The following FAM13B variants were observed in gnomAD, a reference collection of about 807,000 sequenced individuals.
The protein encoded by FAM13B is family with sequence similarity 13 member B, also known as protein FAM13B.
Under a neutral mutation model 117.3 loss-of-function variants are expected in FAM13B, and 60 were observed. The observed-to-expected ratio is 0.51, with a 90% CI of 0.42 to 0.63. The LOEUF (loss-of-function observed/expected upper bound fraction) is 0.63. Ranked by LOEUF, FAM13B falls within the 30% of genes least tolerant of loss-of-function variation. The pLI, the probability that FAM13B is intolerant of heterozygous loss-of-function variation, is 0.00. For synonymous variants in FAM13B, 332 were observed against 356.1 expected, an observed-to-expected ratio of 0.93 and a Z score of 0.76; for missense variants, 972 against 1,091.9, an observed-to-expected ratio of 0.89 and a Z score of 1.55.
intron 13 of FAM13B, 22 bp from the exon 14 acceptor site, chr5:137,956,564 C>A (rs761159757): frequency 6.4e-7 from 1 of 1,557,318 alleles, no homozygotes; most frequent in Non-Finnish European, 8.7e-7. Context: ...GAAAAAATGG[C>A]AAAAAATACT....
rs1362133109 is a variant in FAM13B at position 137,987,675 on chromosome 5, A to C, written c.891-59T>G. Reference sequence around the variant, plus strand: ...ACTCTAACTGGATATCTGGTGACACAGACATAAATGCTAAAACCTATGACC... The same window carrying C: ...ACTCTAACTGGATATCTGGTGACACCGACATAAATGCTAAAACCTATGACC... On this transcript the variant is annotated intron_variant, in intron 8 of 23. Transcript: ENST00000689681. The C allele has an allele frequency of 5.9e-5, 89 of 1,516,306 alleles. 2 individuals carry two copies. In the South Asian group the frequency reaches 1.1e-3, roughly 18 times the overall value. 93.9% of individuals were successfully genotyped at this position (1,516,306 alleles called of 1,614,324 possible).
In FAM13B at chr5:138,000,928, TCAAAAAACAAAAAA is replaced by T. The variant is rs1452234866; in HGVS notation, c.848+6048_848+6061del. ...CTGGGCGACAGAGCAAGACACTGTC[TCAAAAAACAAAAAA>T]CAAAAAAAAAAAAAACAGCATCTTT... On this transcript the variant is annotated intron_variant, in intron 7 of 23. Coordinates refer to ENST00000689681, the MANE Select transcript of FAM13B (RefSeq NM_001385994.1). Among the ~76,000 whole-genome samples, 197 of 68,284 alleles carry T rather than the reference TCAAAAAACAAAAAA, an allele frequency of 2.9e-3. 2 individuals are homozygous for T. Among genetic ancestry groups the T allele is most frequent in the Non-Finnish European group, 4.3e-3 (157 of 36,186 alleles). 44.8% of individuals were successfully genotyped at this position (68,284 alleles called of 152,430 possible). A position where few individuals can be genotyped will look rare whatever the true frequency, so the allele number is the denominator to read the frequency against.
rs373885448 is a variant in FAM13B, at chr5:137,966,459, T to TTATATATATA, written c.1180-4000_1180-3991dup. 5.4e-4 allele frequency among the ~76,000 whole-genome samples: 27 copies of TTATATATATA among 50,274 alleles called. 1 individual carries two copies. Among genetic ancestry groups the TTATATATATA allele is most frequent in the Middle Eastern group, 0.014 (1 of 72 alleles). 33.0% of individuals were successfully genotyped at this position (50,274 alleles called of 152,430 possible). On this transcript the variant is annotated intron_variant, in intron 10 of 23. Coordinates refer to ENST00000689681, the MANE Select transcript of FAM13B (RefSeq NM_001385994.1). ...AAAAAAAAAAAGAAAGAAATAGATT[T>TTATATATATA]TATATATATATATATATATATATAT...
chr5:137,990,013 G>C (rs1028595247), intron 7 of FAM13B, among the ~76,000 whole-genome samples: 1 of 152,052 alleles, frequency 6.6e-6, no homozygotes, highest in East Asian at 1.9e-4. Flanking sequence ...AAAACAAAAA[G>C]TAAAAAGATA....
intron 1 of FAM13B, among the ~76,000 whole-genome samples, chr5:138,041,065 A>G (rs1411567449): frequency 6.8e-6 from 1 of 147,792 alleles, no homozygotes; most frequent in African/African-American, 2.5e-5. Flanking sequence ...CTCCATCTCA[A>G]AAAAAAAAAA....
intron 1 of FAM13B, among the ~76,000 whole-genome samples, chr5:138,045,693 AC>A (rs1386616194): frequency 6.6e-6 from 1 of 152,066 alleles, no homozygotes; most frequent in African/African-American, 2.4e-5. Context: ...AGGTACGTAC[AC>A]AGGTGGTAAA....
chr5:138,017,720 C>T (rs1785604561), intron 4 of FAM13B, among the ~76,000 whole-genome samples: 1 of 152,146 alleles, frequency 6.6e-6, no homozygotes, highest in South Asian at 2.1e-4. Context: ...TCTAGCTAAG[C>T]ACTACTTTTT....
At position 137,959,687 on chromosome 5, in the gene FAM13B, T is replaced by C. The variant is rs1317498049; in HGVS notation, c.1370A>G (p.Gln457Arg). ...EVPGGQSVGV[Q>R]GEAACVSIPH... is the part of the protein sequence containing the mutation. ...AATACTGACACACGCTGCTTCCCCT[T>C]GAACACCAACACTCTGACCTCCTGG... is the stretch of plus-strand genomic sequence containing the variant. The change falls in exon 13 of 24, where the codon CAA becomes CGA. Residue 457 changes from glutamine (Q) to arginine (R), a missense_variant. By Grantham distance (43) the Gln-to-Arg change is conservative. Coordinates refer to ENST00000689681, the MANE Select transcript of FAM13B (RefSeq NM_001385994.1). 1.2e-6 allele frequency: 2 copies of C among 1,613,906 alleles called. No homozygotes were observed. The highest frequency in any genetic ancestry group is 2.7e-5 in the African/African-American group (2 of 74,940).
rs897478565 is a variant in FAM13B at position 137,938,148 on chromosome 5, A to T, written c.*2077T>A. On this transcript the variant is annotated 3_prime_UTR_variant, in exon 24 of 24. Transcript: ENST00000689681. ...CAGCTACTGCTCAACTATGACACACAATACTGTCACAGAGCATAAGTGCTG... is the reference window on the plus strand; with the variant it reads ...CAGCTACTGCTCAACTATGACACACTATACTGTCACAGAGCATAAGTGCTG... 1 of 152,468 alleles carries T rather than the reference A, an allele frequency of 6.6e-6. No homozygotes were observed. The highest frequency in any genetic ancestry group is 2.4e-5 in the African/African-American group (1 of 41,428). The allele number at this position is 152,468 out of a possible 1,614,324, so 9.4% of individuals were successfully genotyped here. A position where few individuals can be genotyped will look rare whatever the true frequency, so the allele number is the denominator to read the frequency against.
chr5:137,974,663 CA>C (rs34041801), intron 10 of FAM13B, among the ~76,000 whole-genome samples: 9,137 of 120,588 alleles, frequency 0.076, 364 homozygotes, highest in Non-Finnish European at 0.1. Context: ...AGCATTTCTC[CA>C]AAAAAAAAAA....
rs750585505 is a variant in FAM13B at position 137,987,498 on chromosome 5, C to T, written c.1009G>A (p.Glu337Lys). The change falls in exon 9 of 24, where the codon GAA (glutamate) becomes AAA (lysine). Residue 337 changes from glutamate (E) to lysine (K), a missense_variant. Coordinates refer to ENST00000689681, the MANE Select transcript of FAM13B (RefSeq NM_001385994.1). ...CCTTCCCCATCACAATGAATACTTT[C>T]TGCTTCATTATTACACACCACACTT... ...QQSVVCNNEA[E>K]SIHCDGEGSN... 6.2e-7 allele frequency: 1 copy of T among 1,612,928 alleles called. No homozygotes were observed. Among genetic ancestry groups the T allele is most frequent in the Non-Finnish European group, 8.5e-7 (1 of 1,179,412 alleles).
intron 10 of FAM13B, among the ~76,000 whole-genome samples, chr5:137,966,488 T>TATATATATAG (rs1461425784): frequency 3.4e-4 from 10 of 29,476 alleles, no homozygotes; most frequent in African/African-American, 7.6e-4. Context: ...TATATATATA[T>TATATATATAG]AGAGAGAGAG....
chr5:137,976,889 T>A (rs1223630843), intron 10 of FAM13B, among the ~76,000 whole-genome samples: 6 of 152,116 alleles, frequency 3.9e-5, no homozygotes. Context: ...CAATATGAAA[T>A]CTGGGCACCT....
chr5:137,966,437 A>T (rs1310430939), intron 10 of FAM13B, among the ~76,000 whole-genome samples: 44 of 145,260 alleles, frequency 3.0e-4, no homozygotes, highest in Non-Finnish European at 6.0e-4. Flanking sequence ...CGTCTCAAAA[A>T]AAAAAAAGAA....
At chr5:137,959,558 G>C (rs1283968841) in intron 13 of FAM13B, 58 bp downstream of exon 13, 1 of 1,568,956 alleles carries the variant, frequency 6.4e-7, no homozygotes, top group Non-Finnish European at 8.8e-7. Flanking sequence ...TCATTGCTTA[G>C]GGTAATTTCG....
At chr5:137,954,562 C>A in intron 14 of FAM13B, 186 bp from the exon 15 acceptor site, 1 of 313,386 alleles carries the variant, frequency 3.2e-6, no homozygotes. Context: ...ATATAATCTT[C>A]ATAAAGCCTA....
rs1764201180 is a variant in FAM13B at position 137,949,077 on chromosome 5, T to C, written c.2038A>G (p.Asn680Asp). ...TGAATGACCTTGGGTTCATCTTCAT[T>C]CTCTTCATCTTCATGGTCTAGAGAA... ...GSSLDHEDEE[N>D]EDEPKVIQKE... Residue 680 changes from asparagine (N) to aspartate (D), a missense_variant, in exon 18 of 24, where the codon AAT (asparagine) becomes GAT (aspartate). Physicochemically the swap from Asn to Asp is conservative, Grantham distance 23. Transcript: ENST00000689681. The C allele has an allele frequency of 6.2e-7, 1 of 1,614,110 alleles. No individual in the cohort carries two copies.
chr5:138,013,002 G>A (rs1355421828), intron 4 of FAM13B, among the ~76,000 whole-genome samples: 7 of 151,662 alleles, frequency 4.6e-5, no homozygotes, highest in Admixed American at 3.3e-4. Context: ...TCAGGAGTTC[G>A]AGTCCAGCCT....
chr5:137,966,461 A>ATT (rs1769818799), intron 10 of FAM13B, among the ~76,000 whole-genome samples: 1 of 38,362 alleles, frequency 2.6e-5, no homozygotes, highest in Non-Finnish European at 4.6e-5. Flanking sequence ...AATAGATTTT[A>ATT]TATATATATA....
Sources: gnomAD v4.1 joint callset for allele counts (sites outside exome capture counted in the v4.1 genomes callset) on GRCh38, gnomAD v4.1.1 for gene constraint, MANE v1.5 for transcripts, NCBI Gene and HGNC (gene_info 2026-07-23, HGNC 2026-07-21) for gene names.